The following LUZP2 variants were observed in gnomAD, a reference collection of about 807,000 sequenced individuals.
The protein encoded by LUZP2 is leucine zipper protein 2.
LUZP2 carries 52 observed loss-of-function variants against 51.6 expected under a neutral mutation model. That is an observed-to-expected ratio of 1.01 (90% CI 0.81 to 1.27). LUZP2 has a LOEUF of 1.27. Among genes scored for constraint, LUZP2 ranks in the 50% most tolerant of loss-of-function variants. The pLI is 0.00. For synonymous variants in LUZP2, 154 were observed against 137.3 expected, an observed-to-expected ratio of 1.12 and a Z score of -0.85; for missense variants, 436 against 395.4, an observed-to-expected ratio of 1.10 and a Z score of -0.87.
At chr11:24,765,914 C>T (rs989804766) in intron 5 of LUZP2, among the ~76,000 whole-genome samples, 2 of 152,062 alleles carry the variant, frequency 1.3e-5, no homozygotes, top group African/African-American at 4.8e-5. Flanking sequence ...GCGTGAGCTA[C>T]CGCACCCGGC....
intron 1 of LUZP2, among the ~76,000 whole-genome samples, chr11:24,713,170 CT>C (rs1240635037): frequency 6.6e-6 from 1 of 152,034 alleles, no homozygotes; most frequent in African/African-American, 2.4e-5. Context: ...AGAAATGTGT[CT>C]GAACAAGAGT....
intron 4 of LUZP2, among the ~76,000 whole-genome samples, chr11:24,753,071 A>T (rs537540031): frequency 6.6e-6 from 1 of 152,334 alleles, no homozygotes; most frequent in South Asian, 2.1e-4. Flanking sequence ...TATACTCGCA[A>T]ACAAAATAAA....
intron 1 of LUZP2, among the ~76,000 whole-genome samples, chr11:24,607,248 C>A (rs1853954067): frequency 7.0e-6 from 1 of 143,036 alleles, no homozygotes; most frequent in African/African-American, 2.6e-5. Flanking sequence ...CCTATGTTTT[C>A]TTCTAATTAT....
chr11:24,602,332 A>G (rs1039869245), intron 1 of LUZP2, among the ~76,000 whole-genome samples: 5 of 145,760 alleles, frequency 3.4e-5, no homozygotes, highest in African/African-American at 1.0e-4. Context: ...ACACACATAT[A>G]TATACATATA....
chr11:24,793,902 TC>T (rs1482329793), intron 5 of LUZP2, among the ~76,000 whole-genome samples: 2 of 149,206 alleles, frequency 1.3e-5, no homozygotes, highest in African/African-American at 4.9e-5. Context: ...TTTTTCTTTA[TC>T]TTTTATATTC....
intron 1 of LUZP2, among the ~76,000 whole-genome samples, chr11:24,633,704 T>A (rs190089106): frequency 4.4e-4 from 67 of 152,086 alleles, no homozygotes; most frequent in Admixed American, 3.5e-3. Flanking sequence ...CTTTTATATA[T>A]TTAAGTATGA....
intron 9 of LUZP2, among the ~76,000 whole-genome samples, chr11:25,024,217 T>C (rs1164883490): frequency 2.6e-5 from 4 of 152,118 alleles, no homozygotes; most frequent in Non-Finnish European, 5.9e-5. Flanking sequence ...TTGATCTGCA[T>C]TCCCTTTGAA....
intron 5 of LUZP2, among the ~76,000 whole-genome samples, chr11:24,855,189 T>G (rs2134232071): frequency 6.6e-6 from 1 of 152,304 alleles, no homozygotes; most frequent in South Asian, 2.1e-4. Flanking sequence ...GGAAGTCAAA[T>G]TATCTCTGTT....
intron 5 of LUZP2, among the ~76,000 whole-genome samples, chr11:24,824,444 G>A (rs905086044): frequency 1.4e-5 from 2 of 146,886 alleles, no homozygotes; most frequent in Non-Finnish European, 3.0e-5. Context: ...ATTTCTGTTA[G>A]GGAAAACATG....
At chr11:24,809,107 G>A (rs1368416376) in intron 5 of LUZP2, among the ~76,000 whole-genome samples, 1 of 152,026 alleles carries the variant, frequency 6.6e-6, no homozygotes, top group Non-Finnish European at 1.5e-5. Flanking sequence ...TGGCAATGTG[G>A]AAATGTATAA....
intron 1 of LUZP2, among the ~76,000 whole-genome samples, chr11:24,686,031 T>C (rs4316511): frequency 0.18 from 27,751 of 151,946 alleles, 2,600 homozygotes; most frequent in East Asian, 0.32. Flanking sequence ...ATCATTCCTC[T>C]CAAATTTACG....
intron 5 of LUZP2, among the ~76,000 whole-genome samples, chr11:24,826,588 T>C (rs927487763): frequency 6.6e-6 from 1 of 151,682 alleles, no homozygotes; most frequent in African/African-American, 2.4e-5. Context: ...AGATGCCTGG[T>C]ATATCAGCAG....
chr11:24,968,305 A>G (rs200611091), intron 7 of LUZP2, among the ~76,000 whole-genome samples: 1 of 152,186 alleles, frequency 6.6e-6, no homozygotes, highest in Non-Finnish European at 1.5e-5. Context: ...GAATTCCACC[A>G]TTGTATCACA....
At chr11:25,041,150 T>C (rs1417700134) in intron 9 of LUZP2, among the ~76,000 whole-genome samples, 5 of 152,148 alleles carry the variant, frequency 3.3e-5, no homozygotes, top group African/African-American at 9.7e-5. Flanking sequence ...GCTTTCCTTA[T>C]CTGCAGGGGA....
chr11:24,751,255 C>T lies in LUZP2; in HGVS notation c.334-11991C>T, dbSNP rs543732583. Among the ~76,000 whole-genome samples the T allele has an allele frequency of 9.2e-5, 14 of 152,050 alleles. No homozygotes were observed. In the East Asian group the frequency reaches 1.5e-3, roughly 17 times the overall value. ...AGAAGCATGCGAAAAACCCAACAAA[C>T]GAAATAATGAGTGATTCCTGGAAAG... is the stretch of plus-strand genomic sequence containing the variant. On this transcript the variant is annotated intron_variant, in intron 4 of 11. Coordinates refer to ENST00000336930, the MANE Select transcript of LUZP2 (RefSeq NM_001009909.4).
At chr11:24,538,958 T>A (rs973850794) in intron 1 of LUZP2, among the ~76,000 whole-genome samples, 10 of 151,860 alleles carry the variant, frequency 6.6e-5, no homozygotes, top group Non-Finnish European at 1.5e-5. Context: ...TATATAATTT[T>A]TCATTAAAAA....
At chr11:25,047,378 T>A (rs1011017183) in intron 9 of LUZP2, among the ~76,000 whole-genome samples, 5 of 61,452 alleles carry the variant, frequency 8.1e-5, no homozygotes, top group East Asian at 1.5e-3. Flanking sequence ...CTTTTTTTTA[T>A]TTTTTTTAAT....
rs1055128488 is a variant in LUZP2, at chr11:25,082,554, G to A, written c.*3896G>A. On this transcript the variant is annotated 3_prime_UTR_variant, in exon 12 of 12. Coordinates refer to ENST00000336930, the MANE Select transcript of LUZP2 (RefSeq NM_001009909.4). ...CCCAAACTATGTGTTCATTTGGATT[G>A]TGTTATATAATAACAGTCGAATGAT... 4 of 152,114 alleles carry A rather than the reference G, an allele frequency of 2.6e-5. No homozygotes were observed. Among genetic ancestry groups the A allele is most frequent in the Non-Finnish European group, 5.9e-5 (4 of 67,994 alleles). The allele number at this position is 152,114 out of a possible 1,614,324, so 9.4% of individuals were successfully genotyped here. A position where few individuals can be genotyped will look rare whatever the true frequency, so the allele number is the denominator to read the frequency against.
At position 25,031,493 on chromosome 11, in the gene LUZP2, A is replaced by G. The variant is rs76131790; in HGVS notation, c.766-18545A>G. 1.3e-3 allele frequency among the ~76,000 whole-genome samples: 202 copies of G among 152,276 alleles called. No individual in the cohort carries two copies. In the East Asian group the frequency reaches 0.016, roughly 12 times the overall value. On this transcript the variant is annotated intron_variant, in intron 9 of 11. Transcript: ENST00000336930. ...GCAAACATTTTATGCCAAATTTCTCATTCCAAATAGCTTATTTGTGCCTAT... is the reference window on the plus strand; with the variant it reads ...GCAAACATTTTATGCCAAATTTCTCGTTCCAAATAGCTTATTTGTGCCTAT...
Sources: gnomAD v4.1 joint callset for allele counts (sites outside exome capture counted in the v4.1 genomes callset) on GRCh38, gnomAD v4.1.1 for gene constraint, MANE v1.5 for transcripts, NCBI Gene and HGNC (gene_info 2026-07-23, HGNC 2026-07-21) for gene names.